CDH13: variants seen among roughly 807,000 people sequenced by gnomAD.
CDH13 encodes the protein cadherin-13.
CDH13 carries 24 observed loss-of-function variants against 63.8 expected under a neutral mutation model. That is an observed-to-expected ratio of 0.38 (90% CI 0.27 to 0.53). CDH13 has a LOEUF of 0.53. Among genes scored for constraint, CDH13 ranks in the 20% least tolerant of loss-of-function variants. The pLI is 0.85. For missense variants in CDH13, 1,049 were observed against 903.1 expected (o/e 1.16, Z -2.07); for synonymous variants, 503 against 355.3 (o/e 1.42, Z -4.67).
chr16:83,061,825 A>T (rs1449036306), intron 3 of CDH13, among the ~76,000 whole-genome samples: 2 of 152,204 alleles, frequency 1.3e-5, no homozygotes, highest in Non-Finnish European at 2.9e-5. Flanking sequence ...ATTGAAACGT[A>T]ATTCAACTTC....
chr16:82,985,924 C>T (rs1003235875), intron 2 of CDH13, among the ~76,000 whole-genome samples: 36 of 152,088 alleles, frequency 2.4e-4, no homozygotes, highest in Non-Finnish European at 4.6e-4. Flanking sequence ...GTGCCTGCCT[C>T]CCTTTCACCT....
chr16:83,345,640 A>G (rs1024969210), intron 6 of CDH13, among the ~76,000 whole-genome samples: 2 of 152,182 alleles, frequency 1.3e-5, no homozygotes, highest in African/African-American at 2.4e-5. Flanking sequence ...TAGAATTTAG[A>G]GCTTCCTTTT....
At chr16:83,413,690 T>G (rs1338784293) in intron 6 of CDH13, among the ~76,000 whole-genome samples, 1 of 152,120 alleles carries the variant, frequency 6.6e-6, no homozygotes, top group Non-Finnish European at 1.5e-5. Context: ...GCCGGCCTCA[T>G]CTAAATGCTG....
At chr16:82,879,995 A>G (rs1478651693) in intron 2 of CDH13, among the ~76,000 whole-genome samples, 2 of 147,266 alleles carry the variant, frequency 1.4e-5, no homozygotes, top group African/African-American at 4.9e-5. Flanking sequence ...TTATATATTA[A>G]TATATAATAG....
intron 7 of CDH13, among the ~76,000 whole-genome samples, chr16:83,527,259 C>G (rs778167626): frequency 5.9e-5 from 9 of 151,988 alleles, no homozygotes; most frequent in Non-Finnish European, 1.2e-4. Flanking sequence ...ACCATCCTAG[C>G]CAACACGGTG....
intron 7 of CDH13, among the ~76,000 whole-genome samples, chr16:83,562,710 CCTGT>C (rs1479296822): frequency 6.6e-6 from 1 of 152,164 alleles, no homozygotes; most frequent in Non-Finnish European, 1.5e-5. Flanking sequence ...AGGGTTTCTG[CCTGT>C]CTATTTTGGG....
intron 4 of CDH13, among the ~76,000 whole-genome samples, chr16:83,186,818 A>G (rs1444307158): frequency 6.6e-6 from 1 of 152,102 alleles, no homozygotes; most frequent in Non-Finnish European, 1.5e-5. Flanking sequence ...CATGTGGAGG[A>G]AGAGTTCTGA....
intron 2 of CDH13, among the ~76,000 whole-genome samples, chr16:83,016,062 C>T (rs567299976): frequency 3.4e-4 from 52 of 152,182 alleles, no homozygotes; most frequent in African/African-American, 1.3e-3. Context: ...GCAAGGCACT[C>T]TTGGCAGGCA....
At chr16:83,405,394 T>C (rs948879222) in intron 6 of CDH13, among the ~76,000 whole-genome samples, 13 of 152,166 alleles carry the variant, frequency 8.5e-5, no homozygotes, top group African/African-American at 3.1e-4. Flanking sequence ...ACGCCCAATG[T>C]AACCACAAGG....
chr16:83,067,056 G>A (rs7201956), intron 3 of CDH13, among the ~76,000 whole-genome samples: 3 of 151,938 alleles, frequency 2.0e-5, no homozygotes, highest in Admixed American at 6.6e-5. Context: ...ATGACTGACC[G>A]TTTTAAGCGT....
chr16:83,528,514 T>G (rs776675868), intron 7 of CDH13, among the ~76,000 whole-genome samples: 15 of 152,110 alleles, frequency 9.9e-5, no homozygotes, highest in Non-Finnish European at 1.9e-4. Flanking sequence ...TAGTCCCTAG[T>G]GGGGTCGTCT....
At chr16:83,225,138 C>T (rs898123140) in intron 5 of CDH13, among the ~76,000 whole-genome samples, 6 of 152,158 alleles carry the variant, frequency 3.9e-5, no homozygotes, top group African/African-American at 7.2e-5. Flanking sequence ...TTAGCCAGCC[C>T]ACCAGGTCAT....
At chr16:83,231,295 T>C (rs2039992782) in intron 5 of CDH13, among the ~76,000 whole-genome samples, 1 of 152,152 alleles carries the variant, frequency 6.6e-6, no homozygotes, top group African/African-American at 2.4e-5. Flanking sequence ...CTACTGAAGG[T>C]CAGCTACTGA....
chr16:83,705,932 T>G (rs1178965140), intron 10 of CDH13, among the ~76,000 whole-genome samples: 1 of 152,194 alleles, frequency 6.6e-6, no homozygotes, highest in African/African-American at 2.4e-5. Context: ...GCCCTAGGGC[T>G]GGTTGCCTCT....
chr16:82,679,309 G>T (rs1376693052), intron 1 of CDH13, among the ~76,000 whole-genome samples: 1 of 152,212 alleles, frequency 6.6e-6, no homozygotes. Flanking sequence ...CTGGGAAGCT[G>T]TCTGATCACA....
At chr16:83,593,365 G>A (rs1906942825) in intron 7 of CDH13, among the ~76,000 whole-genome samples, 1 of 152,138 alleles carries the variant, frequency 6.6e-6, no homozygotes, top group Non-Finnish European at 1.5e-5. Context: ...TGTGTGTGCT[G>A]GAGCCCATTC....
intron 8 of CDH13, among the ~76,000 whole-genome samples, chr16:83,625,154 C>CTGTGTGTGTGTGTGCTCATG (rs1567463154): frequency 6.7e-6 from 1 of 149,614 alleles, no homozygotes. Flanking sequence ...TAAAGAAACT[C>CTGTGTGTGTGTGTGCTCATG]TGTGTGTGTG....
chr16:83,529,574 T>C (rs1449015535), intron 7 of CDH13, among the ~76,000 whole-genome samples: 1 of 152,164 alleles, frequency 6.6e-6, no homozygotes, highest in African/African-American at 2.4e-5. Flanking sequence ...TGCCATTTTT[T>C]TGTGAAAAAA....
rs573963299 is a variant in CDH13 at position 83,798,250 on chromosome 16, T to A, written c.*3220T>A. 1.2e-4 allele frequency: 19 copies of A among 152,312 alleles called. No individual in the cohort carries two copies. Among genetic ancestry groups the A allele is most frequent in the Non-Finnish European group, 2.2e-4 (15 of 68,024 alleles). The allele number at this position is 152,312 out of a possible 1,614,324, so 9.4% of individuals were successfully genotyped here. Reference sequence around the variant, plus strand: ...GGTCTTAATCTTAAGATGTGACAACTAAAAAATTTTTAACAAGTCTGTGTT... The same window carrying A: ...GGTCTTAATCTTAAGATGTGACAACAAAAAAATTTTTAACAAGTCTGTGTT... On this transcript the variant is annotated 3_prime_UTR_variant, in exon 14 of 14. Coordinates refer to ENST00000567109, the MANE Select transcript of CDH13 (RefSeq NM_001257.5).
Sources: gnomAD v4.1 joint callset for allele counts (sites outside exome capture counted in the v4.1 genomes callset) on GRCh38, gnomAD v4.1.1 for gene constraint, MANE v1.5 for transcripts, NCBI Gene and HGNC (gene_info 2026-07-23, HGNC 2026-07-21) for gene names.